KCNN2: variants seen among roughly 807,000 people sequenced by gnomAD.
The protein encoded by KCNN2 is potassium calcium-activated channel subfamily N member 2, also known as small conductance calcium-activated potassium channel protein 2.
Under a neutral mutation model 55.5 loss-of-function variants are expected in KCNN2, and 24 were observed. The observed-to-expected ratio is 0.43, with a 90% CI of 0.31 to 0.61. The LOEUF (loss-of-function observed/expected upper bound fraction) is 0.61. Ranked by LOEUF, KCNN2 falls within the 20% of genes least tolerant of loss-of-function variation. KCNN2 has a pLI of 0.08. For missense variants in KCNN2, 754 were observed against 853.6 expected, an observed-to-expected ratio of 0.88 and a Z score of 1.45; for synonymous variants, 431 against 336.1, an observed-to-expected ratio of 1.28 and a Z score of -3.09.
upstream of KCNN2, among the ~76,000 whole-genome samples, chr5:114,361,515 G>A (rs1034416938): frequency 6.6e-6 from 1 of 152,218 alleles, no homozygotes; most frequent in African/African-American, 2.4e-5. Context: ...TTACTTGGCG[G>A]GCAGCCGGCA....
At chr5:114,352,165 C>A (rs1352343490) in intron 2 of KCNN2, among the ~76,000 whole-genome samples, 1 of 151,660 alleles carries the variant, frequency 6.6e-6, no homozygotes, top group African/African-American at 2.4e-5. Flanking sequence ...TATTTTCTAG[C>A]AATTTTCTCA....
At chr5:114,315,790 A>G (rs1756489612) in intron 2 of KCNN2, among the ~76,000 whole-genome samples, 2 of 152,188 alleles carry the variant, frequency 1.3e-5, no homozygotes, top group Non-Finnish European at 2.9e-5. Flanking sequence ...AATATGTAAT[A>G]GAAACAGATA....
chr5:114,066,772 G>C (rs920209051), intron 1 of KCNN2, among the ~76,000 whole-genome samples: 1 of 152,080 alleles, frequency 6.6e-6, no homozygotes, highest in African/African-American at 2.4e-5. Context: ...GTAGAGATGG[G>C]GTTTCATCAT....
chr5:114,280,255 G>T (rs916856872), intron 2 of KCNN2, among the ~76,000 whole-genome samples: 4 of 152,150 alleles, frequency 2.6e-5, no homozygotes, highest in Admixed American at 1.3e-4. Flanking sequence ...TAGGTTGCCT[G>T]TTCACTCTGA....
intron 2 of KCNN2, among the ~76,000 whole-genome samples, chr5:114,306,645 A>T (rs2150024404): frequency 6.6e-6 from 1 of 152,164 alleles, no homozygotes; most frequent in Middle Eastern, 3.4e-3. Context: ...TATTTAGGGC[A>T]GAAGTACCTT....
intron 3 of KCNN2, among the ~76,000 whole-genome samples, chr5:114,454,415 G>T (rs1561394279): frequency 1.3e-5 from 2 of 152,136 alleles, no homozygotes; most frequent in East Asian, 1.9e-4. Context: ...AAGGGTAAGG[G>T]TTTACTGTTT....
At chr5:114,418,949 A>G (rs1347370582) in intron 3 of KCNN2, among the ~76,000 whole-genome samples, 3 of 152,342 alleles carry the variant, frequency 2.0e-5, no homozygotes, top group Admixed American at 6.5e-5. Context: ...TCATACAAGC[A>G]TATCTTCAAG....
chr5:114,395,979 T>G (rs1758601794), intron 2 of KCNN2, among the ~76,000 whole-genome samples: 1 of 152,192 alleles, frequency 6.6e-6, no homozygotes, highest in African/African-American at 2.4e-5. Flanking sequence ...TAGTCCAGAC[T>G]TCTCTTCTGA....
chr5:114,224,594 G>A (rs980776553), intron 2 of KCNN2, among the ~76,000 whole-genome samples: 3 of 152,306 alleles, frequency 2.0e-5, no homozygotes, highest in African/African-American at 7.2e-5. Context: ...AAAGAAAACA[G>A]AATCCCGCTG....
intron 1 of KCNN2, among the ~76,000 whole-genome samples, chr5:114,089,332 G>A (rs1751087086): frequency 6.6e-6 from 1 of 152,134 alleles, no homozygotes; most frequent in Non-Finnish European, 1.5e-5. Flanking sequence ...TGAGATTCCA[G>A]TCCCGGCTTA....
chr5:114,200,379 ATCTG>A (rs756398136), intron 1 of KCNN2, among the ~76,000 whole-genome samples: 3 of 151,234 alleles, frequency 2.0e-5, no homozygotes, highest in Non-Finnish European at 4.4e-5. Flanking sequence ...TCTCTAAGAT[ATCTG>A]TCTCTTTGGT....
upstream of KCNN2, among the ~76,000 whole-genome samples, chr5:114,358,934 T>C (rs1228682973): frequency 6.6e-6 from 1 of 152,256 alleles, no homozygotes; most frequent in African/African-American, 2.4e-5. Context: ...GTGCCTGTTA[T>C]AACCTAATAG....
At chr5:114,096,158 C>T (rs1205033683) in intron 1 of KCNN2, among the ~76,000 whole-genome samples, 1 of 152,072 alleles carries the variant, frequency 6.6e-6, no homozygotes, top group Non-Finnish European at 1.5e-5. Context: ...TTCTCCAGCT[C>T]TCTAGGTTCT....
intron 1 of KCNN2, among the ~76,000 whole-genome samples, chr5:114,122,486 A>G (rs745867870): frequency 4.6e-5 from 7 of 152,146 alleles, no homozygotes; most frequent in Non-Finnish European, 7.3e-5. Context: ...TATACCTTAT[A>G]CGAGCCCATG....
intron 2 of KCNN2, among the ~76,000 whole-genome samples, chr5:114,349,976 G>A (rs958046779): frequency 1.3e-5 from 2 of 151,874 alleles, no homozygotes; most frequent in Non-Finnish European, 2.9e-5. Context: ...TTGTGGTTTC[G>A]ATTTGCATTT....
intron 2 of KCNN2, among the ~76,000 whole-genome samples, chr5:114,248,476 C>G (rs1049977605): frequency 1.3e-5 from 2 of 152,082 alleles, no homozygotes; most frequent in Non-Finnish European, 2.9e-5. Flanking sequence ...CAGAACATAT[C>G]TGAAAGAGGC....
At chr5:114,056,837 CA>C (rs528532036) in intron 1 of KCNN2, among the ~76,000 whole-genome samples, 147 of 152,238 alleles carry the variant, frequency 9.7e-4, no homozygotes, top group African/African-American at 3.5e-3. Context: ...TTTATTTTGC[CA>C]TCCCTCTTTG....
chr5:114,451,420 C>G (rs940898819), intron 3 of KCNN2, among the ~76,000 whole-genome samples: 4 of 152,054 alleles, frequency 2.6e-5, no homozygotes, highest in Non-Finnish European at 5.9e-5. Flanking sequence ...TTTACAGAAC[C>G]ATGCCCCGCC....
intron 1 of KCNN2, among the ~76,000 whole-genome samples, chr5:114,087,943 G>A (rs571803832): frequency 6.6e-6 from 1 of 151,820 alleles, no homozygotes; most frequent in Non-Finnish European, 1.5e-5. Context: ...TTATTTCTAT[G>A]TGGGTTATAA....
Sources: allele counts gnomAD v4.1 joint callset (sites outside exome capture counted in the v4.1 genomes callset), GRCh38; gene constraint gnomAD v4.1.1; transcripts MANE v1.5; gene names NCBI Gene and HGNC (gene_info 2026-07-23, HGNC 2026-07-21).